KCNH8: variants seen among roughly 807,000 people sequenced by gnomAD.
KCNH8 encodes voltage-gated delayed rectifier potassium channel KCNH8.
In KCNH8, 70 loss-of-function variants were observed where a neutral mutation model predicts 103.6. The ratio of observed to expected loss-of-function variants is 0.68; its 90% CI spans 0.56 to 0.82. The LOEUF (loss-of-function observed/expected upper bound fraction) is 0.82, where lower values mean the gene tolerates loss of function less well. Among genes scored for constraint, KCNH8 ranks in the 40% least tolerant of loss-of-function variants. The pLI is 0.00. For missense variants in KCNH8, 1,217 were observed against 1,329.9 expected (o/e 0.92, Z 1.32); for synonymous variants, 498 against 489.4 (o/e 1.02, Z -0.23).
chr3:19,450,173 C>T lies in KCNH8; in HGVS notation c.1443C>T (p.Ser481=), dbSNP rs776250132. The T allele has an allele frequency of 6.2e-7, 1 of 1,613,438 alleles. No individual in the cohort carries two copies. The highest frequency in any genetic ancestry group is 1.3e-5 in the African/African-American group (1 of 74,840). Residue 481 remains serine, a synonymous_variant, in exon 9 of 16, where the codon TCC becomes TCT. Coordinates refer to ENST00000328405, the MANE Select transcript of KCNH8 (RefSeq NM_144633.3). ...TACAGAGGATGTACTCCAGATGGTC[C>T]CTCTATCACACTAGAACTAAGGATC... ...AIIQRMYSRW[S]LYHTRTKDLK...
intron 1 of KCNH8, among the ~76,000 whole-genome samples, chr3:19,168,621 C>G (rs919712502): frequency 6.6e-6 from 1 of 152,094 alleles, no homozygotes; most frequent in Non-Finnish European, 1.5e-5. Context: ...CCCAAAAGAG[C>G]CAACAGACTT....
At chr3:19,495,012 T>C (rs943519626) in intron 11 of KCNH8, among the ~76,000 whole-genome samples, 2 of 152,228 alleles carry the variant, frequency 1.3e-5, no homozygotes, top group African/African-American at 4.8e-5. Context: ...GAAAAGTGGC[T>C]GTTCCTATCC....
chr3:19,473,000 C>A (rs2067895267), intron 11 of KCNH8, among the ~76,000 whole-genome samples: 1 of 152,100 alleles, frequency 6.6e-6, no homozygotes, highest in Non-Finnish European at 1.5e-5. Flanking sequence ...AACTTTTAAT[C>A]CTTGCATTGT....
intron 3 of KCNH8, among the ~76,000 whole-genome samples, chr3:19,324,398 CA>C (rs2065392378): frequency 6.6e-6 from 1 of 152,096 alleles, no homozygotes. Context: ...CAAACACTTA[CA>C]AAACCATCAG....
chr3:19,391,508 A>G (rs1162619381), intron 6 of KCNH8, among the ~76,000 whole-genome samples: 2 of 152,074 alleles, frequency 1.3e-5, no homozygotes, highest in African/African-American at 4.8e-5. Flanking sequence ...TATAGAAATC[A>G]TATTCTCTTT....
chr3:19,169,359 C>T (rs1332816142), intron 1 of KCNH8, among the ~76,000 whole-genome samples: 1 of 150,256 alleles, frequency 6.7e-6, no homozygotes, highest in Admixed American at 6.7e-5. Flanking sequence ...CCCGGGTTCA[C>T]GCCATTCTCC....
chr3:19,157,381 G>T (rs142299099), intron 1 of KCNH8, among the ~76,000 whole-genome samples: 14 of 152,164 alleles, frequency 9.2e-5, no homozygotes, highest in African/African-American at 2.9e-4. Flanking sequence ...CTTTTGTGTT[G>T]TATTAATTTG....
At position 19,205,387 on chromosome 3, in the gene KCNH8, C is replaced by A. The variant is rs553693443; in HGVS notation, c.77-48267C>A. On this transcript the variant is annotated intron_variant, in intron 1 of 15. Transcript: ENST00000328405. The stretch of plus-strand genomic sequence containing the variant: ...ATTTAGAAAATATCCTAGAGTTACT[C>A]TTATGCTAATAAAGTTCTGATCTTC... 3.9e-5 allele frequency among the ~76,000 whole-genome samples: 6 copies of A among 152,148 alleles called. 1 individual carries two copies. In the South Asian group the frequency reaches 1.2e-3, roughly 32 times the overall value.
In KCNH8 at chr3:19,306,288, T is replaced by C. The variant is rs533049770; in HGVS notation, c.442+24959T>C. On this transcript the variant is annotated intron_variant, in intron 3 of 15. Transcript: ENST00000328405. ...TACAAAAAACCTAAACTAAACTAAATACAAATAATATGTCTCCTTTCTATC... is the reference window on the plus strand; with the variant it reads ...TACAAAAAACCTAAACTAAACTAAACACAAATAATATGTCTCCTTTCTATC... Among the ~76,000 whole-genome samples, 5 of 152,146 alleles carry C rather than the reference T, an allele frequency of 3.3e-5. 1 individual carries two copies. Among genetic ancestry groups the C allele is most frequent in the African/African-American group, 9.6e-5 (4 of 41,536 alleles).
intron 11 of KCNH8, among the ~76,000 whole-genome samples, chr3:19,463,615 A>G (rs2067678590): frequency 6.6e-6 from 1 of 152,182 alleles, no homozygotes; most frequent in Admixed American, 6.5e-5. Context: ...GATTAATAAA[A>G]GTGTATAGGA....
chr3:19,316,332 G>C (rs1389246416), intron 3 of KCNH8, among the ~76,000 whole-genome samples: 2 of 151,800 alleles, frequency 1.3e-5, no homozygotes, highest in African/African-American at 2.4e-5. Flanking sequence ...ACTATCTCCA[G>C]ACATTGTCAG....
chr3:19,495,731 T>C (rs1364526877), intron 11 of KCNH8, among the ~76,000 whole-genome samples: 1 of 152,062 alleles, frequency 6.6e-6, no homozygotes, highest in Non-Finnish European at 1.5e-5. Flanking sequence ...TTTTTTTAAA[T>C]TGCATGAAGA....
At chr3:19,475,935 T>C (rs1172305924) in intron 11 of KCNH8, among the ~76,000 whole-genome samples, 1 of 152,182 alleles carries the variant, frequency 6.6e-6, no homozygotes, top group Non-Finnish European at 1.5e-5. Flanking sequence ...TTCCTTCTGA[T>C]GCTCCACGCA....
chr3:19,492,827 T>C (rs967201654), intron 11 of KCNH8, among the ~76,000 whole-genome samples: 1 of 140,402 alleles, frequency 7.1e-6, no homozygotes, highest in Non-Finnish European at 1.5e-5. Context: ...TGGAATGTTT[T>C]TTCGTGTGTG....
intron 11 of KCNH8, among the ~76,000 whole-genome samples, chr3:19,476,342 G>A (rs1370836449): frequency 6.6e-6 from 1 of 152,108 alleles, no homozygotes; most frequent in Non-Finnish European, 1.5e-5. Flanking sequence ...TAGGCATTTC[G>A]CATTAACGCT....
intron 11 of KCNH8, among the ~76,000 whole-genome samples, chr3:19,508,969 C>T (rs1257156367): frequency 2.0e-5 from 3 of 152,116 alleles, no homozygotes; most frequent in Non-Finnish European, 2.9e-5. Flanking sequence ...TTCCTGAATC[C>T]CATTGTCATG....
intron 11 of KCNH8, among the ~76,000 whole-genome samples, chr3:19,462,008 A>G (rs1052850974): frequency 3.9e-5 from 6 of 152,164 alleles, no homozygotes; most frequent in Admixed American, 1.3e-4. Flanking sequence ...TCCATGGTGT[A>G]TATGTGCCAC....
rs186042716 is a variant in KCNH8, at chr3:19,359,428, C to T, written c.811+11463C>T. On this transcript the variant is annotated intron_variant, in intron 5 of 15. Coordinates refer to ENST00000328405, the MANE Select transcript of KCNH8 (RefSeq NM_144633.3). ...GAAAATAAAAATAGCTATAATAACA[C>T]GCAGTATCAGAAACTGATAAACTAG... Among the ~76,000 whole-genome samples the T allele has an allele frequency of 4.2e-4, 64 of 151,940 alleles. 1 individual carries two copies. The East Asian group carries it at 8.5e-3, about 20-fold the overall frequency.
At chr3:19,313,435 T>C (rs1189212810) in intron 3 of KCNH8, among the ~76,000 whole-genome samples, 2 of 152,016 alleles carry the variant, frequency 1.3e-5, no homozygotes, top group East Asian at 3.9e-4. Context: ...GAATATAACA[T>C]TTCTAAGGCT....
Sources: allele counts gnomAD v4.1 joint callset (sites outside exome capture counted in the v4.1 genomes callset), GRCh38; gene constraint gnomAD v4.1.1; transcripts MANE v1.5; gene names NCBI Gene and HGNC (gene_info 2026-07-23, HGNC 2026-07-21).